Variants in OTOGL observed in about 807,000 individuals in gnomAD.
OTOGL encodes the protein otogelin like.
A neutral mutation model predicts 318.5 loss-of-function variants in OTOGL; 285 were observed. The ratio of observed to expected loss-of-function variants is 0.89; its 90% CI spans 0.81 to 0.99. The LOEUF (loss-of-function observed/expected upper bound fraction) is 0.99. Ranked by LOEUF, OTOGL falls within the 50% of genes least tolerant of loss-of-function variation. The probability of loss-of-function intolerance (pLI) is 0.00; values close to 1 mark genes in which losing one functional copy is unlikely to be tolerated. For missense variants in OTOGL, 2,899 were observed against 2,845.6 expected (o/e 1.02, Z -0.43); for synonymous variants, 987 against 936.5 (o/e 1.05, Z -0.99).
At chr12:80,256,494 C>CATCA (rs751809757) in intron 17 of OTOGL, 34 bp downstream of exon 17, 1 of 1,011,018 alleles carries the variant, frequency 9.9e-7, no homozygotes. Context: ...ACTTTCTTTA[C>CATCA]ATCAAACAAA....
chr12:80,326,178 C>A (rs993050853), intron 35 of OTOGL, among the ~76,000 whole-genome samples: 1 of 152,118 alleles, frequency 6.6e-6, no homozygotes, highest in Non-Finnish European at 1.5e-5. Flanking sequence ...TCCTCCAAGT[C>A]CGCGACATAA....
chr12:80,119,538 G>T (rs1870364487), intron 1 of OTOGL, among the ~76,000 whole-genome samples: 1 of 152,170 alleles, frequency 6.6e-6, no homozygotes, highest in African/African-American at 2.4e-5. Context: ...GCAATAATGT[G>T]AACCCTCTGC....
At chr12:80,156,738 G>A (rs1873146815) in intron 1 of OTOGL, among the ~76,000 whole-genome samples, 1 of 152,060 alleles carries the variant, frequency 6.6e-6, no homozygotes, top group Admixed American at 6.5e-5. Context: ...ATGATTGTAA[G>A]GCCTCCCCAG....
intron 1 of OTOGL, among the ~76,000 whole-genome samples, chr12:80,140,559 G>A (rs1292269201): frequency 1.3e-5 from 2 of 152,074 alleles, no homozygotes; most frequent in Admixed American, 1.3e-4. Context: ...AGAGTAACTG[G>A]GTTAATGTCC....
rs11114407 is a variant in OTOGL at position 80,337,260 on chromosome 12, A to G, written c.4860+256A>G. On this transcript the variant is annotated intron_variant, in intron 42 of 58. Coordinates refer to ENST00000547103, the MANE Select transcript of OTOGL (RefSeq NM_001378609.3). ...TAAATACACTAGCGACCTCTGAGAT[A>G]GTGTGATTGGCCAGTCTTCTTTGTG... is the stretch of plus-strand genomic sequence containing the variant. Among the ~76,000 whole-genome samples the G allele has an allele frequency of 0.056, 8,484 of 152,096 alleles. 327 individuals carry two copies. The highest frequency in any genetic ancestry group is 0.088 in the Non-Finnish European group (5,954 of 67,942).
intron 2 of OTOGL, among the ~76,000 whole-genome samples, 189 bp downstream of exon 2, chr12:80,209,699 T>C (rs544492765): frequency 6.6e-5 from 10 of 152,274 alleles, no homozygotes; most frequent in East Asian, 3.9e-4. Context: ...TTTCATTTTT[T>C]GACTCTTTGC....
At chr12:80,238,779 C>A (rs1880087857) in intron 9 of OTOGL, 72 bp from the exon 10 acceptor site, 2 of 1,327,492 alleles carry the variant, frequency 1.5e-6, no homozygotes, top group Non-Finnish European at 1.9e-6. Flanking sequence ...GTTGAAGAAC[C>A]ATGTCTGTTT....
At chr12:80,342,256 C>A in intron 44 of OTOGL, 94 bp downstream of exon 44, 1 of 989,490 alleles carries the variant, frequency 1.0e-6, no homozygotes, top group Non-Finnish European at 1.5e-6. Context: ...TGTTCTTCTA[C>A]TGAGAACAAA....
intron 5 of OTOGL, among the ~76,000 whole-genome samples, 183 bp downstream of exon 5, chr12:80,217,847 C>A (rs1205272233): frequency 6.6e-6 from 1 of 152,296 alleles, no homozygotes; most frequent in East Asian, 1.9e-4. Flanking sequence ...CTGAGAATAA[C>A]CAGGGCCAAA....
chr12:80,367,301 A>G (rs1309064138), intron 53 of OTOGL, among the ~76,000 whole-genome samples: 1 of 152,052 alleles, frequency 6.6e-6, no homozygotes, highest in Non-Finnish European at 1.5e-5. Flanking sequence ...AACTTGCTAT[A>G]AAGTATAGCT....
intron 1 of OTOGL, among the ~76,000 whole-genome samples, chr12:80,159,522 T>C (rs775091971): frequency 6.6e-6 from 1 of 151,690 alleles, no homozygotes; most frequent in Non-Finnish European, 1.5e-5. Context: ...TGTTATATTG[T>C]TCAAGGAATA....
chr12:80,307,802 C>CCAGT (rs1886282950), intron 29 of OTOGL, among the ~76,000 whole-genome samples: 2 of 138,578 alleles, frequency 1.4e-5, no homozygotes, highest in Admixed American at 6.9e-5. Flanking sequence ...TCCTCACTTC[C>CCAGT]CAGTAGGGGC....
chr12:80,206,309 AT>A (rs1242675389), intron 1 of OTOGL, among the ~76,000 whole-genome samples: 1 of 152,194 alleles, frequency 6.6e-6, no homozygotes, highest in Non-Finnish European at 1.5e-5. Context: ...ACCATTTCAT[AT>A]ATCGAGTTCA....
intron 15 of OTOGL, 64 bp downstream of exon 15, chr12:80,254,634 G>A: frequency 7.7e-7 from 1 of 1,303,686 alleles, no homozygotes; most frequent in Non-Finnish European, 1.1e-6. Flanking sequence ...GAGAAAGATA[G>A]CACTGATCTT....
chr12:80,138,725 A>G (rs1235490162), intron 1 of OTOGL, among the ~76,000 whole-genome samples: 1 of 152,200 alleles, frequency 6.6e-6, no homozygotes, highest in Non-Finnish European at 1.5e-5. Flanking sequence ...AAATGACAAG[A>G]GTATAATAAC....
At chr12:80,109,321 C>T (rs1314078512) in intron 1 of OTOGL, among the ~76,000 whole-genome samples, 1 of 152,106 alleles carries the variant, frequency 6.6e-6, no homozygotes, top group East Asian at 1.9e-4. Context: ...AATCAAACAA[C>T]ACAGGGTTCT....
chr12:80,311,438 T>G (rs1350621148), intron 30 of OTOGL, among the ~76,000 whole-genome samples: 1 of 152,214 alleles, frequency 6.6e-6, no homozygotes, highest in East Asian at 1.9e-4. Context: ...TCTTTCTTTT[T>G]ATGAGATGGA....
chr12:80,373,757 A>G (rs929654020), intron 57 of OTOGL, among the ~76,000 whole-genome samples: 7 of 151,866 alleles, frequency 4.6e-5, no homozygotes, highest in Non-Finnish European at 8.8e-5. Context: ...TTTTCCACTT[A>G]GTGGCGTTAA....
In OTOGL at chr12:80,353,371, T is replaced by C; in HGVS notation, c.5454T>C (p.Pro1818=). The C allele has an allele frequency of 6.2e-7, 1 of 1,600,668 alleles. No homozygotes were observed. The highest frequency in any genetic ancestry group is 1.1e-5 in the South Asian group (1 of 87,888). Residue 1818 remains proline, a synonymous_variant, in exon 46 of 59, where the codon CCT becomes CCC. Transcript: ENST00000547103. ...EGKEYQPCVR[P]CEARTCLNQW... The stretch of plus-strand genomic sequence containing the variant: ...AGGAATATCAACCCTGTGTGCGACC[T>C]TGTGAAGCAAGAACATGCCTGAACC...
Sources: allele counts gnomAD v4.1 joint callset (sites outside exome capture counted in the v4.1 genomes callset), GRCh38; gene constraint gnomAD v4.1.1; transcripts MANE v1.5; gene names NCBI Gene and HGNC (gene_info 2026-07-23, HGNC 2026-07-21).